TNFSF18: variants seen among roughly 807,000 people sequenced by gnomAD.
TNFSF18 encodes the protein tumor necrosis factor ligand superfamily member 18.
In TNFSF18, 6 loss-of-function variants were observed where a neutral mutation model predicts 9.6. The observed-to-expected ratio is 0.63, with a 90% CI of 0.34 to 1.24. The LOEUF is 1.24. TNFSF18 is among the 50% of genes most tolerant of loss of function. The pLI, the probability that TNFSF18 is intolerant of heterozygous loss-of-function variation, is 0.03. For missense variants in TNFSF18, 210 were observed against 201.0 expected, an observed-to-expected ratio of 1.04 and a Z score of -0.27; for synonymous variants, 68 against 71.7, an observed-to-expected ratio of 0.95 and a Z score of 0.26.
At chr1:173,046,916 A>C (rs1371353134) in intron 1 of TNFSF18, among the ~76,000 whole-genome samples, 1 of 151,516 alleles carries the variant, frequency 6.6e-6, no homozygotes, top group African/African-American at 2.4e-5. Flanking sequence ...TTTTTGAGAC[A>C]GGGTCTCATT....
Position 173,050,913 on chromosome 1 carries a change from G to A in TNFSF18, c.-17C>T. On this transcript the variant is annotated 5_prime_UTR_variant, in exon 1 of 3. Coordinates refer to ENST00000404377, the MANE Select transcript of TNFSF18 (RefSeq NM_005092.4). Reference sequence around the variant, plus strand: ...CAAACACATTTTTGGAGAAATGAGAGCTGTGGAAAACAAAAATTCACAAGT... The same window carrying A: ...CAAACACATTTTTGGAGAAATGAGAACTGTGGAAAACAAAAATTCACAAGT... 1 of 1,613,798 alleles carries A rather than the reference G, an allele frequency of 6.2e-7. No homozygotes were observed. Among genetic ancestry groups the A allele is most frequent in the Non-Finnish European group, 8.5e-7 (1 of 1,179,782 alleles).
chr1:173,041,822 C>CCACCG, intron 2 of TNFSF18, 109 bp from the exon 3 acceptor site: 43 of 872,428 alleles, frequency 4.9e-5, no homozygotes, highest in South Asian at 2.0e-4. Flanking sequence ...GTTTCTTTAC[C>CCACCG]TGATCTACAC....
At chr1:173,045,264 C>T (rs143351534) in intron 1 of TNFSF18, among the ~76,000 whole-genome samples, 14 of 151,608 alleles carry the variant, frequency 9.2e-5, no homozygotes, top group African/African-American at 3.1e-4. Context: ...GTTTAGAGGT[C>T]GGAGAATGAG....
In TNFSF18 at chr1:173,048,620, A is replaced by G. The variant is rs867644492; in HGVS notation, c.156+2121T>C. Among the ~76,000 whole-genome samples the G allele has an allele frequency of 8.5e-5, 13 of 152,310 alleles. 1 individual carries two copies. Among genetic ancestry groups the G allele is most frequent in the Middle Eastern group, 6.8e-3 (2 of 294 alleles). ...ATTTTCTCAAAGAAGAGAGAAAAAA[A>G]GAAAAAAATTGACCCAAGGAGCCAA... On this transcript the variant is annotated intron_variant, in intron 1 of 2. Transcript: ENST00000404377.
chr1:173,044,841 G>A (rs2101927098), intron 1 of TNFSF18, among the ~76,000 whole-genome samples: 1 of 152,264 alleles, frequency 6.6e-6, no homozygotes, highest in South Asian at 2.1e-4. Flanking sequence ...AGGCAAGAGA[G>A]CATGGTGTCT....
At position 173,046,211 on chromosome 1, in the gene TNFSF18, G is replaced by C. The variant is rs529316103; in HGVS notation, c.157-2242C>G. ...CAGTTGGATTTAATCAGCATTGGAG[G>C]TTTTCCATAGTCGAGCTTTTGTCAT... On this transcript the variant is annotated intron_variant, in intron 1 of 2. Transcript: ENST00000404377. Among the ~76,000 whole-genome samples the C allele has an allele frequency of 3.3e-5, 5 of 152,170 alleles. No homozygotes were observed. In the East Asian group the frequency reaches 9.6e-4, roughly 29 times the overall value.
chr1:173,050,265 T>G (rs1665148442), intron 1 of TNFSF18, among the ~76,000 whole-genome samples: 1 of 152,088 alleles, frequency 6.6e-6, no homozygotes, highest in African/African-American at 2.4e-5. Context: ...AGAATCCAGA[T>G]CTTCTTACAC....
At chr1:173,042,675 T>C (rs1665011567) in intron 2 of TNFSF18, among the ~76,000 whole-genome samples, 1 of 152,152 alleles carries the variant, frequency 6.6e-6, no homozygotes, top group African/African-American at 2.4e-5. Context: ...GATGTTTGCC[T>C]AACATTACTT....
At chr1:173,049,472 G>A (rs1387430166) in intron 1 of TNFSF18, among the ~76,000 whole-genome samples, 3 of 152,254 alleles carry the variant, frequency 2.0e-5, no homozygotes, top group Admixed American at 6.5e-5. Flanking sequence ...CATTTCTTGA[G>A]AGAGCAGGGT....
intron 1 of TNFSF18, among the ~76,000 whole-genome samples, chr1:173,049,937 T>G (rs1883476): frequency 0.21 from 31,558 of 152,122 alleles, 4,822 homozygotes; most frequent in East Asian, 0.75. Context: ...GGCCCACAGC[T>G]TGGCCTGCAT....
chr1:173,046,900 TG>T (rs1455633712), intron 1 of TNFSF18, among the ~76,000 whole-genome samples: 6 of 124,592 alleles, frequency 4.8e-5, no homozygotes, highest in East Asian at 5.8e-4. Flanking sequence ...TTGTTGTTGT[TG>T]TTGTTTTTTG....
intron 1 of TNFSF18, among the ~76,000 whole-genome samples, chr1:173,044,609 A>T (rs2101926991): frequency 6.6e-6 from 1 of 152,344 alleles, no homozygotes; most frequent in East Asian, 1.9e-4. Flanking sequence ...AATGCTCAAA[A>T]ATACGTTGTA....
In TNFSF18 at chr1:173,050,910, A is replaced by G; in HGVS notation, c.-14T>C. On this transcript the variant is annotated 5_prime_UTR_variant, in exon 1 of 3. Coordinates refer to ENST00000404377, the MANE Select transcript of TNFSF18 (RefSeq NM_005092.4). ...GCTCAAACACATTTTTGGAGAAATGAGAGCTGTGGAAAACAAAAATTCACA... is the reference window on the plus strand; with the variant it reads ...GCTCAAACACATTTTTGGAGAAATGGGAGCTGTGGAAAACAAAAATTCACA... 6.2e-7 allele frequency: 1 copy of G among 1,613,882 alleles called. No individual in the cohort carries two copies. The highest frequency in any genetic ancestry group is 8.5e-7 in the Non-Finnish European group (1 of 1,179,790).
In TNFSF18 at chr1:173,039,464, A is replaced by G. The variant is rs1664956398; in HGVS notation, c.*1903T>C. Among the ~76,000 whole-genome samples the G allele has an allele frequency of 6.6e-6, 1 of 151,998 alleles. No homozygotes were observed. The highest frequency in any genetic ancestry group is 1.5e-5 in the Non-Finnish European group (1 of 68,000). On this transcript the variant is annotated 3_prime_UTR_variant, in exon 3 of 3. Coordinates refer to ENST00000404377, the MANE Select transcript of TNFSF18 (RefSeq NM_005092.4). The stretch of plus-strand genomic sequence containing the variant: ...CAGGAATGAAGCGGGGGCAGAGAGG[A>G]GTCATTAAGGAGAGTTTCACAGTGG...
chr1:173,048,808 G>A (rs761307423), intron 1 of TNFSF18, among the ~76,000 whole-genome samples: 9 of 152,122 alleles, frequency 5.9e-5, no homozygotes, highest in Non-Finnish European at 1.2e-4. Context: ...ATGTGGAAGT[G>A]GCCACATCAT....
chr1:173,045,990 A>T (rs1665075077), intron 1 of TNFSF18, among the ~76,000 whole-genome samples: 1 of 152,144 alleles, frequency 6.6e-6, no homozygotes. Flanking sequence ...AATGGGGAAG[A>T]GTTATTAGAT....
intron 2 of TNFSF18, among the ~76,000 whole-genome samples, chr1:173,041,974 A>T (rs879479397): frequency 2.6e-5 from 4 of 152,138 alleles, no homozygotes; most frequent in Admixed American, 1.3e-4. Context: ...GACTTAAGTG[A>T]CTTCGCATCT....
At position 173,041,329 on chromosome 1, in the gene TNFSF18, A is replaced by G. The variant is rs1299199282; in HGVS notation, c.*38T>C. 2.0e-6 allele frequency: 3 copies of G among 1,489,872 alleles called. No individual in the cohort carries two copies. The highest frequency in any genetic ancestry group is 3.9e-5 in the Admixed American group (2 of 51,042). The allele number at this position is 1,489,872 out of a possible 1,614,324, so 92.3% of individuals were successfully genotyped here. On this transcript the variant is annotated 3_prime_UTR_variant, in exon 3 of 3. Coordinates refer to ENST00000404377, the MANE Select transcript of TNFSF18 (RefSeq NM_005092.4). ...CTCCAATCCACCCACTGGCACCTCTACATGTGCTGAAGGGAATGAGGAGAT... is the reference window on the plus strand; with the variant it reads ...CTCCAATCCACCCACTGGCACCTCTGCATGTGCTGAAGGGAATGAGGAGAT...
chr1:173,041,236 G>A lies in TNFSF18; in HGVS notation c.*131C>T, dbSNP rs565677507. On this transcript the variant is annotated 3_prime_UTR_variant, in exon 3 of 3. Transcript: ENST00000404377. ...ATAGGCATGATAGATGAAAATTCAC[G>A]TGCAGAGGAGTTCTGTTTGTGTTGA... The A allele has an allele frequency of 1.6e-5, 12 of 735,020 alleles. No homozygotes were observed. Among genetic ancestry groups the A allele is most frequent in the Admixed American group, 6.2e-5 (2 of 32,520 alleles). The allele number at this position is 735,020 out of a possible 1,614,324, so 45.5% of individuals were successfully genotyped here.
Sources: gnomAD v4.1 joint callset for allele counts (sites outside exome capture counted in the v4.1 genomes callset) on GRCh38, gnomAD v4.1.1 for gene constraint, MANE v1.5 for transcripts, NCBI Gene and HGNC (gene_info 2026-07-23, HGNC 2026-07-21) for gene names.